MAPKAP1: variants seen among roughly 807,000 people sequenced by gnomAD.
MAPKAP1 encodes the protein MAPK associated protein 1, also known as target of rapamycin complex 2 subunit MAPKAP1.
A neutral mutation model predicts 65.7 loss-of-function variants in MAPKAP1; 20 were observed. The observed-to-expected ratio is 0.30, with a 90% CI of 0.21 to 0.44. The LOEUF (loss-of-function observed/expected upper bound fraction) is 0.44. Among genes scored for constraint, MAPKAP1 ranks in the 20% least tolerant of loss-of-function variants. The probability of loss-of-function intolerance (pLI) is 1.00; values close to 1 mark genes in which losing one functional copy is unlikely to be tolerated. For synonymous variants in MAPKAP1, 222 were observed against 244.3 expected (o/e 0.91, Z 0.85); for missense variants, 423 against 648.0 (o/e 0.65, Z 3.77).
chr9:125,605,730 T>G (rs1832422201), intron 4 of MAPKAP1, among the ~76,000 whole-genome samples: 1 of 152,156 alleles, frequency 6.6e-6, no homozygotes, highest in African/African-American at 2.4e-5. Flanking sequence ...AGAAAAGATG[T>G]TCTCCTTAAT....
At chr9:125,644,933 A>G (rs1469623212) in intron 4 of MAPKAP1, among the ~76,000 whole-genome samples, 2 of 152,212 alleles carry the variant, frequency 1.3e-5, no homozygotes, top group Non-Finnish European at 2.9e-5. Context: ...TTTTTTTAAT[A>G]TATTCAAGAG....
At chr9:125,501,269 T>C (rs971335468) in intron 8 of MAPKAP1, among the ~76,000 whole-genome samples, 5 of 152,340 alleles carry the variant, frequency 3.3e-5, no homozygotes, top group African/African-American at 1.2e-4. Context: ...TACTTTTTGT[T>C]TGTTTTTACA....
chr9:125,657,544 G>T, intron 4 of MAPKAP1, 107 bp downstream of exon 4: 1 of 1,012,766 alleles, frequency 9.9e-7, no homozygotes, highest in South Asian at 1.7e-5. Flanking sequence ...ACTGTCAACT[G>T]ATATTCTACA....
intron 1 of MAPKAP1, among the ~76,000 whole-genome samples, chr9:125,691,855 T>C (rs1588080503): frequency 6.6e-6 from 1 of 152,362 alleles, no homozygotes; most frequent in East Asian, 1.9e-4. Flanking sequence ...TTTGACTTCC[T>C]ATCACTAATG....
intron 4 of MAPKAP1, among the ~76,000 whole-genome samples, chr9:125,653,281 ACAT>A (rs1833943273): frequency 6.6e-6 from 1 of 152,246 alleles, no homozygotes; most frequent in Non-Finnish European, 1.5e-5. Context: ...ATTTTACATG[ACAT>A]AGAGCCTTCA....
intron 7 of MAPKAP1, among the ~76,000 whole-genome samples, chr9:125,540,101 C>G (rs1336903543): frequency 6.6e-6 from 1 of 152,132 alleles, no homozygotes; most frequent in African/African-American, 2.4e-5. Context: ...GACAGTCTAT[C>G]CTAAAAAGCA....
chr9:125,647,845 C>T (rs1382338754), intron 4 of MAPKAP1, among the ~76,000 whole-genome samples: 2 of 151,980 alleles, frequency 1.3e-5, no homozygotes, highest in East Asian at 1.9e-4. Context: ...ACTCTGCACA[C>T]CAGAAAAATC....
chr9:125,703,786 AC>A (rs66497746), intron 1 of MAPKAP1, among the ~76,000 whole-genome samples: 39,066 of 140,400 alleles, frequency 0.28, 5,994 homozygotes, highest in Non-Finnish European at 0.37. Context: ...AAAAAAAAAA[AC>A]AAGTAACGTG....
At chr9:125,574,808 G>C (rs1831343772) in intron 5 of MAPKAP1, among the ~76,000 whole-genome samples, 1 of 152,190 alleles carries the variant, frequency 6.6e-6, no homozygotes. Flanking sequence ...CACTTGCTAT[G>C]TATTTTCTCA....
At chr9:125,620,382 G>C (rs778501204) in intron 4 of MAPKAP1, among the ~76,000 whole-genome samples, 2 of 152,226 alleles carry the variant, frequency 1.3e-5, no homozygotes, top group Non-Finnish European at 2.9e-5. Context: ...AGGCTATGGA[G>C]AAACAGGCAG....
rs1395710007 is a variant in MAPKAP1 at position 125,439,609 on chromosome 9, A to G, written c.1444-597T>C. Among the ~76,000 whole-genome samples, 4 of 152,110 alleles carry G rather than the reference A, an allele frequency of 2.6e-5. No individual in the cohort carries two copies. Among genetic ancestry groups the G allele is most frequent in the Admixed American group, 1.3e-4 (2 of 15,276 alleles). On this transcript the variant is annotated intron_variant, in intron 11 of 11. Transcript: ENST00000265960. This position sits in a 1 kb window ranked among gnomAD's most constrained non-coding sequence, Gnocchi z 4.0. ...TAGGCCACGTGGAAGTCAGGGTGAG[A>G]GCTGTGAGGGGGCTGAAAGAGCCCT... is the stretch of plus-strand genomic sequence containing the variant.
intron 4 of MAPKAP1, among the ~76,000 whole-genome samples, chr9:125,636,758 C>T (rs1474769421): frequency 1.3e-5 from 2 of 152,224 alleles, no homozygotes; most frequent in African/African-American, 2.4e-5. Flanking sequence ...ACCACTCCTA[C>T]CAGCAAGGCT....
intron 6 of MAPKAP1, chr9:125,559,323 T>C (rs951856049): frequency 9.7e-6 from 2 of 206,772 alleles, no homozygotes; most frequent in Admixed American, 5.7e-5. Flanking sequence ...GCAGAGAAGG[T>C]GCAAACCTAG....
chr9:125,626,712 C>G (rs1755936), intron 4 of MAPKAP1, among the ~76,000 whole-genome samples: 73,351 of 152,038 alleles, frequency 0.48, 18,450 homozygotes, highest in African/African-American at 0.64. Flanking sequence ...TAGGGCTGCA[C>G]ATCCTAACCA....
At chr9:125,608,680 G>T (rs552546455) in intron 4 of MAPKAP1, among the ~76,000 whole-genome samples, 2 of 152,146 alleles carry the variant, frequency 1.3e-5, no homozygotes, top group Non-Finnish European at 2.9e-5. Flanking sequence ...CTTTTCCGAC[G>T]CCTGCGCTCA....
chr9:125,578,468 T>C (rs1178843835), intron 5 of MAPKAP1, among the ~76,000 whole-genome samples: 4 of 151,940 alleles, frequency 2.6e-5, no homozygotes, highest in East Asian at 3.9e-4. Context: ...TAAAAAAAGA[T>C]AGTTCTTATG....
chr9:125,596,945 C>T (rs1030599601), intron 4 of MAPKAP1, among the ~76,000 whole-genome samples: 12 of 136,942 alleles, frequency 8.8e-5, no homozygotes, highest in Non-Finnish European at 1.7e-4. Context: ...CTGATCATGA[C>T]GCTGAATAAA....
intron 1 of MAPKAP1, among the ~76,000 whole-genome samples, chr9:125,693,678 T>TACATACACACAC (rs1835267682): frequency 2.4e-5 from 3 of 125,460 alleles, no homozygotes; most frequent in Admixed American, 8.3e-5. Flanking sequence ...TATACACGTA[T>TACATACACACAC]ATATACACGT....
chr9:125,580,214 C>A (rs780762839), intron 5 of MAPKAP1, among the ~76,000 whole-genome samples: 1 of 152,326 alleles, frequency 6.6e-6, no homozygotes, highest in South Asian at 2.1e-4. Flanking sequence ...ATAAATCATG[C>A]TGCTATAAAG....
Sources: allele counts gnomAD v4.1 joint callset (sites outside exome capture counted in the v4.1 genomes callset), GRCh38; gene constraint gnomAD v4.1.1; non-coding constraint Gnocchi (gnomAD v3.1); transcripts MANE v1.5; gene names NCBI Gene and HGNC (gene_info 2026-07-23, HGNC 2026-07-21).